The following PALS1 variants were observed in gnomAD, a reference collection of about 807,000 sequenced individuals.
The protein encoded by PALS1 is protein PALS1.
PALS1 carries 31 observed loss-of-function variants against 78.9 expected under a neutral mutation model. The observed-to-expected ratio is 0.39, with a 90% CI of 0.30 to 0.53. The LOEUF is 0.53. Ranked by LOEUF, PALS1 falls within the 20% of genes least tolerant of loss-of-function variation. The pLI is 0.67. For synonymous variants in PALS1, 276 were observed against 270.9 expected (o/e 1.02, Z -0.18); for missense variants, 704 against 826.5 (o/e 0.85, Z 1.82).
intron 3 of PALS1, among the ~76,000 whole-genome samples, chr14:67,291,175 T>C (rs1201512665): frequency 1.3e-5 from 2 of 149,892 alleles, no homozygotes; most frequent in African/African-American, 4.9e-5. Flanking sequence ...ACAGAGTATA[T>C]GTGCGTGTGC....
rs1018231086 is a variant in PALS1, at chr14:67,333,584, C to G, written c.*628C>G. Reference sequence around the variant, plus strand: ...ACAAAAAACATTCCATTAGAAGCACCAGTTTTTTTGCTCAGACTTTGTGGA... The same window carrying G: ...ACAAAAAACATTCCATTAGAAGCACGAGTTTTTTTGCTCAGACTTTGTGGA... On this transcript the variant is annotated 3_prime_UTR_variant, in exon 15 of 15. Coordinates refer to ENST00000261681, the MANE Select transcript of PALS1 (RefSeq NM_022474.4). 1 of 152,504 alleles carries G rather than the reference C, an allele frequency of 6.6e-6. No individual in the cohort carries two copies. Among genetic ancestry groups the G allele is most frequent in the Non-Finnish European group, 1.5e-5 (1 of 68,000 alleles). 9.4% of individuals were successfully genotyped at this position (152,504 alleles called of 1,614,324 possible). A position where few individuals can be genotyped will look rare whatever the true frequency, so the allele number is the denominator to read the frequency against.
In PALS1 at chr14:67,309,718, T is replaced by C. The variant is rs149418232; in HGVS notation, c.1042-2809T>C. On this transcript the variant is annotated intron_variant, in intron 8 of 14. Coordinates refer to ENST00000261681, the MANE Select transcript of PALS1 (RefSeq NM_022474.4). The stretch of plus-strand genomic sequence containing the variant: ...CAGGGTAGTAGTTCCCTAAGATTGC[T>C]GTACCTAATAATTACCCAAGGAACC... 7.2e-5 allele frequency among the ~76,000 whole-genome samples: 11 copies of C among 152,314 alleles called. No individual in the cohort carries two copies. In the East Asian group the frequency reaches 2.1e-3, roughly 29 times the overall value.
At chr14:67,275,781 T>C (rs1245142602) in intron 2 of PALS1, among the ~76,000 whole-genome samples, 1 of 152,192 alleles carries the variant, frequency 6.6e-6, no homozygotes, top group Non-Finnish European at 1.5e-5. Context: ...GGCTATTAAT[T>C]ATTGCCTCAA....
rs1022370006 is a variant in PALS1 at position 67,333,858 on chromosome 14, A to G, written c.*902A>G. ...ATGATGCTAATAGTTTTTTGTATAC[A>G]TGGGAGGATAGCACATTTGACAGTT... On this transcript the variant is annotated 3_prime_UTR_variant, in exon 15 of 15. Transcript: ENST00000261681. The G allele has an allele frequency of 6.6e-5, 10 of 152,570 alleles. No individual in the cohort carries two copies. Among genetic ancestry groups the G allele is most frequent in the African/African-American group, 2.4e-4 (10 of 41,436 alleles). 9.5% of individuals were successfully genotyped at this position (152,570 alleles called of 1,614,324 possible). A position where few individuals can be genotyped will look rare whatever the true frequency, so the allele number is the denominator to read the frequency against.
At chr14:67,256,887 A>G (rs936449495) in intron 1 of PALS1, among the ~76,000 whole-genome samples, 3 of 152,072 alleles carry the variant, frequency 2.0e-5, no homozygotes, top group Non-Finnish European at 4.4e-5. Context: ...GATTCTTTTT[A>G]CCAAAGAATG....
intron 1 of PALS1, among the ~76,000 whole-genome samples, chr14:67,246,180 T>C (rs996082582): frequency 6.6e-6 from 1 of 152,182 alleles, no homozygotes; most frequent in African/African-American, 2.4e-5. Flanking sequence ...GGTCTCTCTC[T>C]GTCCAGGCTG....
chr14:67,299,475 G>C (rs968072282), intron 4 of PALS1, among the ~76,000 whole-genome samples: 1 of 152,020 alleles, frequency 6.6e-6, no homozygotes. Flanking sequence ...AAAATAATTA[G>C]TTTTAAAATA....
At chr14:67,306,313 G>A (rs538064655) in intron 8 of PALS1, among the ~76,000 whole-genome samples, 1 of 151,838 alleles carries the variant, frequency 6.6e-6, no homozygotes, top group South Asian at 2.1e-4. Flanking sequence ...ATAGAGTGAT[G>A]TGCAGTATTT....
Position 67,333,510 on chromosome 14 carries a change from T to C in PALS1, c.*554T>C, listed in dbSNP as rs755065615. On this transcript the variant is annotated 3_prime_UTR_variant, in exon 15 of 15. Transcript: ENST00000261681. ...AAATGGTGCCACTTTGGGTTGAAGCTACTTTGTTAGGCTTGAATTCATTTA... is the reference window on the plus strand; with the variant it reads ...AAATGGTGCCACTTTGGGTTGAAGCCACTTTGTTAGGCTTGAATTCATTTA... The C allele has an allele frequency of 6.5e-6, 1 of 152,688 alleles. No homozygotes were observed. Among genetic ancestry groups the C allele is most frequent in the Non-Finnish European group, 1.5e-5 (1 of 68,064 alleles). The allele number at this position is 152,688 out of a possible 1,614,324, so 9.5% of individuals were successfully genotyped here. A position where few individuals can be genotyped will look rare whatever the true frequency, so the allele number is the denominator to read the frequency against.
chr14:67,254,878 C>T (rs1007735786), intron 1 of PALS1, among the ~76,000 whole-genome samples: 1 of 152,194 alleles, frequency 6.6e-6, no homozygotes, highest in Non-Finnish European at 1.5e-5. Context: ...TGGCCGGGCG[C>T]AGTGGCTCAC....
At chr14:67,283,398 T>C (rs2084631194) in intron 3 of PALS1, among the ~76,000 whole-genome samples, 3 of 152,292 alleles carry the variant, frequency 2.0e-5, no homozygotes, top group South Asian at 4.1e-4. Flanking sequence ...ATACTGGAAT[T>C]TTGTGTGATT....
At chr14:67,246,497 G>C (rs982308962) in intron 1 of PALS1, among the ~76,000 whole-genome samples, 1 of 151,944 alleles carries the variant, frequency 6.6e-6, no homozygotes, top group Non-Finnish European at 1.5e-5. Context: ...ATGCCACCAT[G>C]CCAGGCCGAT....
chr14:67,323,261 G>GTGTGTGTGTGTGTGTGTA (rs1429954753), intron 13 of PALS1, among the ~76,000 whole-genome samples: 19 of 124,136 alleles, frequency 1.5e-4, no homozygotes, highest in African/African-American at 4.4e-4. Context: ...GTGTGTGTGT[G>GTGTGTGTGTGTGTGTGTA]TATATATATA....
chr14:67,302,681 C>A, intron 7 of PALS1, 110 bp downstream of exon 7: 1 of 829,316 alleles, frequency 1.2e-6, no homozygotes, highest in Non-Finnish European at 1.7e-6. Flanking sequence ...TGATTTCTAG[C>A]CTGATTTTTC....
intron 1 of PALS1, chr14:67,254,182 CTTTTTTT>C (rs78097877): frequency 3.4e-5 from 4 of 118,562 alleles, no homozygotes; most frequent in Admixed American, 1.7e-4. Context: ...AAGTGTCTTT[CTTTTTTT>C]TTTTTTTTTT....
At chr14:67,301,896 T>C in intron 5 of PALS1, 76 bp from the exon 6 acceptor site, 1 of 1,437,604 alleles carries the variant, frequency 7.0e-7, no homozygotes, top group Non-Finnish European at 9.3e-7. Context: ...CAGAATACTA[T>C]GTACATAGGT....
Position 67,292,535 on chromosome 14 carries a change from T to A in PALS1, c.392T>A (p.Leu131His). 6.2e-7 allele frequency: 1 copy of A among 1,612,698 alleles called. No individual in the cohort carries two copies. The highest frequency in any genetic ancestry group is 8.5e-7 in the Non-Finnish European group (1 of 1,178,874). Reference protein sequence around the residue: ...ILEIEDLFSSLKHIQHTLVDS... With the variant: ...ILEIEDLFSSHKHIQHTLVDS... ...GAAATAGAAGACTTGTTTTCTTCAC[T>A]TAAACATATCCAACATACTTTGGTA... Residue 131 changes from leucine (L) to histidine (H), a missense_variant, in exon 4 of 15, where the codon CTT becomes CAT. By Grantham distance (99) the Leu-to-His change is moderately conservative. Coordinates refer to ENST00000261681, the MANE Select transcript of PALS1 (RefSeq NM_022474.4).
At chr14:67,315,840 C>T (rs1420871799) in intron 9 of PALS1, among the ~76,000 whole-genome samples, 1 of 152,166 alleles carries the variant, frequency 6.6e-6, no homozygotes, top group Non-Finnish European at 1.5e-5. Flanking sequence ...CATGCGAATC[C>T]CTTGAACCTG....
intron 4 of PALS1, among the ~76,000 whole-genome samples, chr14:67,296,205 G>A (rs374167280): frequency 1.2e-4 from 19 of 152,276 alleles, no homozygotes; most frequent in Non-Finnish European, 2.5e-4. Flanking sequence ...GTAAGAAAGA[G>A]GAAAAGGCAT....
Sources: gnomAD v4.1 joint callset for allele counts (sites outside exome capture counted in the v4.1 genomes callset) on GRCh38, gnomAD v4.1.1 for gene constraint, MANE v1.5 for transcripts, NCBI Gene and HGNC (gene_info 2026-07-23, HGNC 2026-07-21) for gene names.